ZBTB16: variants seen among roughly 807,000 people sequenced by gnomAD.
ZBTB16 encodes the protein zinc finger and BTB domain-containing protein 16.
A neutral mutation model predicts 56.8 loss-of-function variants in ZBTB16; 8 were observed. The observed-to-expected ratio is 0.14, with a 90% CI of 0.08 to 0.25. The LOEUF (loss-of-function observed/expected upper bound fraction) is 0.25, where lower values mean the gene tolerates loss of function less well. ZBTB16 is among the 10% of genes least tolerant of loss of function. ZBTB16 has a pLI of 1.00. For synonymous variants in ZBTB16, 363 were observed against 368.5 expected (o/e 0.98, Z 0.17); for missense variants, 625 against 903.0 (o/e 0.69, Z 3.95).
At chr11:114,141,399 C>T (rs1337376796) in intron 2 of ZBTB16, among the ~76,000 whole-genome samples, 2 of 152,216 alleles carry the variant, frequency 1.3e-5, no homozygotes, top group Non-Finnish European at 2.9e-5. Flanking sequence ...TGGCACATCA[C>T]CACATCCTCC....
chr11:114,215,502 A>T (rs543030385), intron 4 of ZBTB16, among the ~76,000 whole-genome samples: 1 of 152,216 alleles, frequency 6.6e-6, no homozygotes. Context: ...GGTGCAGCAT[A>T]TTGCTTCTAC....
In ZBTB16 at chr11:114,064,602, G is replaced by A. The variant is rs781044161; in HGVS notation, c.1268+34G>A. The A allele has an allele frequency of 1.2e-6, 2 of 1,610,806 alleles. No individual in the cohort carries two copies. Among genetic ancestry groups the A allele is most frequent in the South Asian group, 2.2e-5 (2 of 90,858 alleles). On this transcript the variant is annotated intron_variant, in intron 2 of 6. Coordinates refer to ENST00000335953, the MANE Select transcript of ZBTB16 (RefSeq NM_006006.6). The surrounding 1 kb of genome is among the most constrained non-coding windows in gnomAD (Gnocchi z 4.2). ...CGCTCCAGCCCCGCACCTGATGTAG[G>A]ACTTGAGGCCCTCACACCCCTCCTT...
intron 4 of ZBTB16, among the ~76,000 whole-genome samples, chr11:114,235,757 C>G (rs1193264831): frequency 1.5e-5 from 2 of 137,516 alleles, no homozygotes; most frequent in Non-Finnish European, 1.5e-5. Context: ...TCCTTCCTTC[C>G]TTCCTTCCTT....
Position 114,063,305 on chromosome 11 carries a change from A to T in ZBTB16, c.5A>T (p.Asp2Val). Residue 2 changes from aspartate to valine, a missense_variant, in exon 2 of 7, where the codon GAT becomes GTT. Physicochemically the swap from Asp to Val is radical, Grantham distance 152. Coordinates refer to ENST00000335953, the MANE Select transcript of ZBTB16 (RefSeq NM_006006.6). The surrounding 1 kb of genome is among the most constrained non-coding windows in gnomAD (Gnocchi z 6.5). Reference sequence around the variant, plus strand: ...GCCTGAGCCGAGGGGAGCACCATGGATCTGACAAAAATGGGCATGATCCAG... The same window carrying T: ...GCCTGAGCCGAGGGGAGCACCATGGTTCTGACAAAAATGGGCATGATCCAG... M[D>V]LTKMGMIQLQ... The T allele has an allele frequency of 6.2e-7, 1 of 1,613,802 alleles. No individual in the cohort carries two copies. The highest frequency in any genetic ancestry group is 2.2e-5 in the East Asian group (1 of 44,866).
At chr11:114,097,891 A>C (rs1015661704) in intron 2 of ZBTB16, among the ~76,000 whole-genome samples, 1 of 152,222 alleles carries the variant, frequency 6.6e-6, no homozygotes, top group African/African-American at 2.4e-5. Flanking sequence ...CTTACAACAC[A>C]GGGAGGTTTC....
chr11:114,176,362 A>C (rs1388974918), intron 3 of ZBTB16, among the ~76,000 whole-genome samples: 1 of 152,156 alleles, frequency 6.6e-6, no homozygotes, highest in Non-Finnish European at 1.5e-5. Flanking sequence ...AAAGCTATCT[A>C]TCTCTCTTAA....
chr11:114,061,738 A>G (rs2509220), intron 1 of ZBTB16, among the ~76,000 whole-genome samples: 55,608 of 152,054 alleles, frequency 0.37, 11,960 homozygotes, highest in East Asian at 0.49. Flanking sequence ...ATTGATCCCG[A>G]ACAGGCTCTG....
In ZBTB16 at chr11:114,242,291, C is replaced by T. The variant is rs1944723931; in HGVS notation, c.1578C>T (p.Thr526=). ...ACATCTGCAGTGAGTGCAACCGCAC[C>T]TTCCCCAGCCACACGGCTCTCAAAC... ...RSYICSECNR[T]FPSHTALKRH... is the part of the protein sequence containing the mutation. Residue 526 remains threonine, a synonymous_variant, in exon 5 of 7, where the codon ACC becomes ACT. Coordinates refer to ENST00000335953, the MANE Select transcript of ZBTB16 (RefSeq NM_006006.6). 2 of 1,613,932 alleles carry T rather than the reference C, an allele frequency of 1.2e-6. No individual in the cohort carries two copies. The highest frequency in any genetic ancestry group is 1.7e-5 in the Admixed American group (1 of 60,014).
At chr11:114,197,751 C>T (rs1209463781) in intron 4 of ZBTB16, among the ~76,000 whole-genome samples, 2 of 152,008 alleles carry the variant, frequency 1.3e-5, no homozygotes, top group African/African-American at 4.8e-5. Flanking sequence ...GACAGAGTCT[C>T]GCTCTGTCGC....
intron 2 of ZBTB16, among the ~76,000 whole-genome samples, chr11:114,148,846 G>T (rs1203927397): frequency 6.8e-6 from 1 of 148,128 alleles, no homozygotes; most frequent in African/African-American, 2.6e-5. Context: ...GGACAGTAGG[G>T]GCAACTGTTT....
intron 3 of ZBTB16, among the ~76,000 whole-genome samples, chr11:114,173,180 C>G (rs1209175611): frequency 6.6e-6 from 1 of 152,180 alleles, no homozygotes; most frequent in Admixed American, 6.5e-5. Context: ...TCAGAAGCAC[C>G]CGGGCTAGAG....
In ZBTB16 at chr11:114,066,020, A is replaced by G. The variant is rs139880712; in HGVS notation, c.1268+1452A>G. On this transcript the variant is annotated intron_variant, in intron 2 of 6. Transcript: ENST00000335953. Reference sequence around the variant, plus strand: ...TTTTATCCTCTAGTTTCTGGGTCAGATGAATGGAGTCAAGAAATCCAGCTT... The same window carrying G: ...TTTTATCCTCTAGTTTCTGGGTCAGGTGAATGGAGTCAAGAAATCCAGCTT... Among the ~76,000 whole-genome samples, 39 of 152,196 alleles carry G rather than the reference A, an allele frequency of 2.6e-4. No homozygotes were observed. In the East Asian group the frequency reaches 5.6e-3, roughly 22 times the overall value.
chr11:114,250,937 C>G lies in ZBTB16; in HGVS notation c.*382C>G, dbSNP rs192210767. 6.6e-6 allele frequency among the ~76,000 whole-genome samples: 1 copy of G among 152,130 alleles called. No individual in the cohort carries two copies. The highest frequency in any genetic ancestry group is 1.5e-5 in the Non-Finnish European group (1 of 68,018). ...CTGGTCAGAGCCACACGGTCTGTGCCGGCCTTCCTCCACCAAGACCCCCAG... is the reference window on the plus strand; with the variant it reads ...CTGGTCAGAGCCACACGGTCTGTGCGGGCCTTCCTCCACCAAGACCCCCAG... On this transcript the variant is annotated 3_prime_UTR_variant, in exon 7 of 7. Transcript: ENST00000335953. This position sits in a 1 kb window ranked among gnomAD's most constrained non-coding sequence, Gnocchi z 6.0.
chr11:114,249,851 A>G (rs991381223), intron 6 of ZBTB16, among the ~76,000 whole-genome samples: 94 of 150,082 alleles, frequency 6.3e-4, no homozygotes, highest in African/African-American at 2.2e-3. Flanking sequence ...GGTTCCCTCA[A>G]TTTCCCCCCA....
chr11:114,125,204 C>T (rs1941473409), intron 2 of ZBTB16, among the ~76,000 whole-genome samples: 1 of 152,176 alleles, frequency 6.6e-6, no homozygotes, highest in African/African-American at 2.4e-5. Context: ...TATTTGCTCT[C>T]CATTTCAGCT....
intron 6 of ZBTB16, among the ~76,000 whole-genome samples, chr11:114,247,944 C>A (rs759562800): frequency 2.2e-4 from 33 of 151,660 alleles, no homozygotes; most frequent in South Asian, 6.3e-4. Context: ...ATTGGCCAGG[C>A]CGGAGTGCAG....
At chr11:114,069,450 C>T (rs570945980) in intron 2 of ZBTB16, among the ~76,000 whole-genome samples, 3 of 152,280 alleles carry the variant, frequency 2.0e-5, no homozygotes, top group South Asian at 4.1e-4. Flanking sequence ...TTTCTGGATC[C>T]GTGTGTACAG....
chr11:114,063,588 G>A lies in ZBTB16; in HGVS notation c.288G>A (p.Ala96=), dbSNP rs373752900. 279 of 1,614,130 alleles carry A rather than the reference G, an allele frequency of 1.7e-4. 1 individual carries two copies. Among genetic ancestry groups the A allele is most frequent in the Non-Finnish European group, 3.5e-5 (41 of 1,180,060 alleles). Reference sequence around the variant, plus strand: ...ATACAGCCACGCTGCAAGCCAAGGCGGAGGACCTGGATGACCTGCTGTATG... The same window carrying A: ...ATACAGCCACGCTGCAAGCCAAGGCAGAGGACCTGGATGACCTGCTGTATG... ...YAYTATLQAK[A]EDLDDLLYAA... is the part of the protein sequence containing the mutation. The change falls in exon 2 of 7, where the codon GCG becomes GCA. Residue 96 remains alanine, a synonymous_variant. Coordinates refer to ENST00000335953, the MANE Select transcript of ZBTB16 (RefSeq NM_006006.6). The surrounding 1 kb of genome is among the most constrained non-coding windows in gnomAD (Gnocchi z 6.5).
chr11:114,206,176 A>G (rs1473351525), intron 4 of ZBTB16, among the ~76,000 whole-genome samples: 1 of 152,218 alleles, frequency 6.6e-6, no homozygotes, highest in Non-Finnish European at 1.5e-5. Context: ...TGCCATTTAC[A>G]TATACTGAGC....
Sources: allele counts gnomAD v4.1 joint callset (sites outside exome capture counted in the v4.1 genomes callset), GRCh38; gene constraint gnomAD v4.1.1; non-coding constraint Gnocchi (gnomAD v3.1); transcripts MANE v1.5; gene names NCBI Gene and HGNC (gene_info 2026-07-23, HGNC 2026-07-21).